MAP3K20: variants seen among roughly 807,000 people sequenced by gnomAD.
MAP3K20 encodes the protein HCCS-4.
In MAP3K20, 40 loss-of-function variants were observed where a neutral mutation model predicts 85.7. That is an observed-to-expected ratio of 0.47 (90% CI 0.36 to 0.61). The LOEUF is 0.61. MAP3K20 is among the 20% of genes least tolerant of loss of function. The probability of loss-of-function intolerance (pLI) is 0.00; values close to 1 mark genes in which losing one functional copy is unlikely to be tolerated. For synonymous variants in MAP3K20, 325 were observed against 327.7 expected (o/e 0.99, Z 0.09); for missense variants, 817 against 961.7 (o/e 0.85, Z 1.99).
At chr2:173,086,657 A>C (rs1559224942) in intron 1 of MAP3K20, among the ~76,000 whole-genome samples, 1 of 152,226 alleles carries the variant, frequency 6.6e-6, no homozygotes, top group Non-Finnish European at 1.5e-5. Context: ...CCTCCTGTCA[A>C]GTGGTGAAAT....
At chr2:173,249,496 A>T (rs1419077610) in intron 16 of MAP3K20, among the ~76,000 whole-genome samples, 1 of 152,214 alleles carries the variant, frequency 6.6e-6, no homozygotes, top group Non-Finnish European at 1.5e-5. Flanking sequence ...GTTTCTTTGA[A>T]AATCATATTT....
chr2:173,145,511 G>T (rs1373923463), intron 2 of MAP3K20, among the ~76,000 whole-genome samples: 1 of 152,208 alleles, frequency 6.6e-6, no homozygotes, highest in Non-Finnish European at 1.5e-5. Flanking sequence ...CAATAAGCAT[G>T]TGTGAAAGTG....
chr2:173,097,975 A>G (rs1438831095), intron 2 of MAP3K20, among the ~76,000 whole-genome samples: 1 of 152,136 alleles, frequency 6.6e-6, no homozygotes, highest in African/African-American at 2.4e-5. Flanking sequence ...CTTCTTTTCT[A>G]TGCAGTTCTG....
At chr2:173,226,285 T>G (rs1306591848) in intron 11 of MAP3K20, 1 of 985,214 alleles carries the variant, frequency 1.0e-6, no homozygotes, top group African/African-American at 1.7e-5. Flanking sequence ...ATGGTAAGAG[T>G]TTTATGAAAG....
At position 173,191,196 on chromosome 2, in the gene MAP3K20, T is replaced by G. The variant is rs1414264735; in HGVS notation, c.582+19T>G. 3.1e-6 allele frequency: 5 copies of G among 1,610,036 alleles called. No homozygotes were observed. ...TGGTGTGGTGAGTTCATTTCTCATT[T>G]CTTGTTTACTAAGGGAAATACAAAA... On this transcript the variant is annotated intron_variant, in intron 7 of 19. Coordinates refer to ENST00000375213, the MANE Select transcript of MAP3K20 (RefSeq NM_016653.3).
rs137925091 is a variant in MAP3K20, at chr2:173,209,816, C to T, written c.832C>T (p.His278Tyr). ...SLPDKCNSFL[H>Y]NKAEWRCEIE... ...TCCTGACAAGTGTAACTCATTCCTACACAACAAGGCGGAGTGGAGGTGGGT... is the reference window on the plus strand; with the variant it reads ...TCCTGACAAGTGTAACTCATTCCTATACAACAAGGCGGAGTGGAGGTGGGT... Residue 278 changes from histidine to tyrosine, a missense_variant, in exon 10 of 20, where the codon CAC becomes TAC. This residue lies in a region of MAP3K20 where 158 missense variants were observed against 162.0 expected (regional missense o/e 0.98). Transcript: ENST00000375213. 3 of 1,614,038 alleles carry T rather than the reference C, an allele frequency of 1.9e-6. No individual in the cohort carries two copies. Among genetic ancestry groups the T allele is most frequent in the African/African-American group, 2.7e-5 (2 of 74,940 alleles).
chr2:173,151,682 C>T (rs1689313102), intron 2 of MAP3K20, among the ~76,000 whole-genome samples: 1 of 152,222 alleles, frequency 6.6e-6, no homozygotes, highest in African/African-American at 2.4e-5. Flanking sequence ...TGATTGAATT[C>T]ATAGGCTTTG....
chr2:173,211,277 A>G (rs566835615), intron 10 of MAP3K20: 1 of 152,254 alleles, frequency 6.6e-6, no homozygotes, highest in African/African-American at 2.4e-5. Context: ...AATGAAAAGG[A>G]CCAGAATACT....
intron 9 of MAP3K20, among the ~76,000 whole-genome samples, chr2:173,207,904 T>TA (rs1415517098): frequency 6.6e-6 from 1 of 152,144 alleles, no homozygotes; most frequent in African/African-American, 2.4e-5. Context: ...TTTGATAACC[T>TA]CTATCCAAGA....
intron 2 of MAP3K20, among the ~76,000 whole-genome samples, chr2:173,127,747 A>G (rs910040358): frequency 6.6e-6 from 1 of 152,166 alleles, no homozygotes; most frequent in African/African-American, 2.4e-5. Context: ...AAAAAAAAAA[A>G]AAGTAAGACA....
intron 2 of MAP3K20, among the ~76,000 whole-genome samples, chr2:173,109,177 C>T (rs1267719651): frequency 6.6e-6 from 1 of 152,222 alleles, no homozygotes; most frequent in Admixed American, 6.5e-5. Flanking sequence ...TTCAGAGTTT[C>T]TCCAGGTTGT....
Position 173,091,209 on chromosome 2 carries a change from G to T in MAP3K20, c.159+19G>T. The stretch of plus-strand genomic sequence containing the variant: ...GAAAGAGGTAAGGTCTTTTCCAGCT[G>T]ACAGAAACAGTCACGATACCATTTA... On this transcript the variant is annotated intron_variant, in intron 2 of 19. Coordinates refer to ENST00000375213, the MANE Select transcript of MAP3K20 (RefSeq NM_016653.3). 6.2e-7 allele frequency: 1 copy of T among 1,603,856 alleles called. No individual in the cohort carries two copies. The highest frequency in any genetic ancestry group is 1.1e-5 in the South Asian group (1 of 89,754).
At chr2:173,156,401 A>G (rs1174275390) in intron 2 of MAP3K20, among the ~76,000 whole-genome samples, 2 of 152,166 alleles carry the variant, frequency 1.3e-5, no homozygotes, top group African/African-American at 4.8e-5. Context: ...TTGAGGTCAG[A>G]GAAGGGTTTC....
intron 2 of MAP3K20, among the ~76,000 whole-genome samples, chr2:173,142,414 G>A (rs2106215282): frequency 6.6e-6 from 1 of 152,036 alleles, no homozygotes; most frequent in Admixed American, 6.5e-5. Flanking sequence ...GGAGGTTGCA[G>A]TGAGCTGAGA....
At chr2:173,117,052 A>G (rs1012765458) in intron 2 of MAP3K20, among the ~76,000 whole-genome samples, 12 of 152,250 alleles carry the variant, frequency 7.9e-5, no homozygotes, top group Non-Finnish European at 1.6e-4. Flanking sequence ...CAGTTCTAAA[A>G]GAGTTAGGAA....
chr2:173,140,048 G>C (rs1268481446), intron 2 of MAP3K20, among the ~76,000 whole-genome samples: 1 of 151,988 alleles, frequency 6.6e-6, no homozygotes, highest in African/African-American at 2.4e-5. Flanking sequence ...TTTCACTCTT[G>C]TTGCCCAGGC....
intron 2 of MAP3K20, among the ~76,000 whole-genome samples, chr2:173,122,123 A>C (rs1421690880): frequency 1.3e-5 from 2 of 152,228 alleles, no homozygotes; most frequent in Non-Finnish European, 2.9e-5. Flanking sequence ...AATAAACTAT[A>C]AGCAATCACC....
In MAP3K20 at chr2:173,177,570, C is replaced by T. The variant is rs1056603399; in HGVS notation, c.248-5284C>T. 6.0e-5 allele frequency among the ~76,000 whole-genome samples: 9 copies of T among 151,028 alleles called. 1 individual carries two copies. Among genetic ancestry groups the T allele is most frequent in the Admixed American group, 5.3e-4 (8 of 15,078 alleles). On this transcript the variant is annotated intron_variant, in intron 3 of 19. Transcript: ENST00000375213. ...TCAAGCGATTCTCCTGCCTCGGCCTCCCGAGTAGCCACCATGCCCGGCTAA... is the reference window on the plus strand; with the variant it reads ...TCAAGCGATTCTCCTGCCTCGGCCTTCCGAGTAGCCACCATGCCCGGCTAA...
intron 19 of MAP3K20, among the ~76,000 whole-genome samples, chr2:173,265,240 G>A (rs1685392526): frequency 6.6e-6 from 1 of 152,236 alleles, no homozygotes; most frequent in African/African-American, 2.4e-5. Context: ...AGGAAGCTGA[G>A]GCTGGGAGGA....
Sources: gnomAD v4.1 joint callset for allele counts (sites outside exome capture counted in the v4.1 genomes callset) on GRCh38, gnomAD v4.1.1 for gene constraint, gnomAD v4.1.1 regional missense constraint, MANE v1.5 for transcripts, NCBI Gene and HGNC (gene_info 2026-07-23, HGNC 2026-07-21) for gene names.